ADGRL3: variants seen among roughly 807,000 people sequenced by gnomAD.
The protein encoded by ADGRL3 is adhesion G protein-coupled receptor L3, also known as calcium-independent alpha-latrotoxin receptor 3.
ADGRL3 carries 62 observed loss-of-function variants against 153.5 expected under a neutral mutation model. The ratio of observed to expected loss-of-function variants is 0.40; its 90% confidence interval spans 0.33 to 0.50. ADGRL3 has a LOEUF of 0.50. ADGRL3 is among the 20% of genes least tolerant of loss of function. The pLI is 0.47. For synonymous variants in ADGRL3, 710 were observed against 672.5 expected (o/e 1.06, Z -0.86); for missense variants, 1,641 against 1,859.4 (o/e 0.88, Z 2.16).
intron 5 of ADGRL3, among the ~76,000 whole-genome samples, chr4:61,629,520 C>T (rs1389229459): frequency 6.6e-6 from 1 of 151,298 alleles, no homozygotes; most frequent in Non-Finnish European, 1.5e-5. Flanking sequence ...AGTTTAAGAC[C>T]AGCCTGGCCA....
intron 8 of ADGRL3, among the ~76,000 whole-genome samples, chr4:61,747,886 G>A (rs562758308): frequency 1.1e-4 from 17 of 152,070 alleles, no homozygotes; most frequent in Non-Finnish European, 1.5e-4. Context: ...GGAAATAAAG[G>A]GTATTCAATT....
intron 9 of ADGRL3, among the ~76,000 whole-genome samples, chr4:61,830,193 A>T (rs778150371): frequency 9.9e-5 from 15 of 151,814 alleles, no homozygotes; most frequent in Non-Finnish European, 1.8e-4. Context: ...TTTTTTGTAG[A>T]GGCAGGGTTT....
At chr4:61,647,072 G>T (rs978637115) in intron 5 of ADGRL3, among the ~76,000 whole-genome samples, 11 of 152,078 alleles carry the variant, frequency 7.2e-5, no homozygotes, top group Admixed American at 4.6e-4. Context: ...TCTTTGACTA[G>T]GAAAGGGAAC....
chr4:61,240,707 G>A (rs1462238442), intron 1 of ADGRL3, among the ~76,000 whole-genome samples: 1 of 152,008 alleles, frequency 6.6e-6, no homozygotes, highest in Non-Finnish European at 1.5e-5. Flanking sequence ...ATACTCATGT[G>A]TTGCCAGCAG....
At chr4:61,364,261 A>G (rs1034620284) in intron 1 of ADGRL3, among the ~76,000 whole-genome samples, 1 of 151,554 alleles carries the variant, frequency 6.6e-6, no homozygotes, top group Admixed American at 6.6e-5. Flanking sequence ...TGAACCTGGC[A>G]GGCAGAGATT....
intron 3 of ADGRL3, among the ~76,000 whole-genome samples, chr4:61,512,067 A>G (rs1255928644): frequency 1.3e-5 from 2 of 152,162 alleles, no homozygotes; most frequent in Non-Finnish European, 2.9e-5. Context: ...TATTTACAGA[A>G]AAGGAAATGA....
intron 25 of ADGRL3, among the ~76,000 whole-genome samples, chr4:62,048,104 A>T (rs1483404716): frequency 6.6e-6 from 1 of 152,104 alleles, no homozygotes; most frequent in African/African-American, 2.4e-5. Context: ...GCTGTTGGAA[A>T]TCTAATTCAA....
intron 4 of ADGRL3, among the ~76,000 whole-genome samples, chr4:61,548,104 C>A (rs34482030): frequency 0.37 from 56,608 of 151,360 alleles, 11,079 homozygotes; most frequent in East Asian, 0.75. Flanking sequence ...CTGTTCATGT[C>A]CTTTGCCCAT....
At chr4:61,656,895 C>T (rs911503596) in intron 5 of ADGRL3, among the ~76,000 whole-genome samples, 1 of 152,140 alleles carries the variant, frequency 6.6e-6, no homozygotes, top group Admixed American at 6.6e-5. Context: ...GCTATTTTCT[C>T]TCTCTGTTAA....
chr4:61,813,935 T>G, intron 9 of ADGRL3, 46 bp downstream of exon 9: 1 of 1,604,234 alleles, frequency 6.2e-7, no homozygotes, highest in Non-Finnish European at 8.5e-7. Context: ...GCTCATTCTT[T>G]GATGAAAGCA....
In ADGRL3 at chr4:62,077,549, T is replaced by C. The variant is rs913901439; in HGVS notation, c.*6641T>C. 1 of 152,032 alleles carries C rather than the reference T, an allele frequency of 6.6e-6. No homozygotes were observed. Among genetic ancestry groups the C allele is most frequent in the Non-Finnish European group, 1.5e-5 (1 of 67,902 alleles). 9.4% of individuals were successfully genotyped at this position (152,032 alleles called of 1,614,324 possible). ...GATGTTTGACAAAGTTAAGTCAGTA[T>C]CTTCAATGCTTTAACAGTAGGTAGA... On this transcript the variant is annotated 3_prime_UTR_variant, in exon 27 of 27. Coordinates refer to ENST00000683033, the MANE Select transcript of ADGRL3 (RefSeq NM_001387552.1).
At chr4:61,240,512 G>A (rs993670671) in intron 1 of ADGRL3, among the ~76,000 whole-genome samples, 1 of 152,104 alleles carries the variant, frequency 6.6e-6, no homozygotes, top group African/African-American at 2.4e-5. Context: ...TTCAAATAAA[G>A]TAGAGCCTAA....
At chr4:61,926,326 A>G (rs2098794245) in intron 13 of ADGRL3, among the ~76,000 whole-genome samples, 1 of 152,192 alleles carries the variant, frequency 6.6e-6, no homozygotes, top group Admixed American at 6.5e-5. Flanking sequence ...ACCCACACAT[A>G]TACTTTTATA....
intron 8 of ADGRL3, among the ~76,000 whole-genome samples, chr4:61,801,015 C>A (rs2097489297): frequency 6.6e-6 from 1 of 152,104 alleles, no homozygotes; most frequent in Admixed American, 6.6e-5. Flanking sequence ...TTGAAAAGAT[C>A]ATTAATAAGG....
intron 9 of ADGRL3, among the ~76,000 whole-genome samples, chr4:61,865,410 C>A (rs1011375807): frequency 3.9e-5 from 6 of 152,064 alleles, no homozygotes; most frequent in African/African-American, 1.4e-4. Flanking sequence ...TTTGACATTT[C>A]AGTATACTAA....
chr4:61,554,001 G>A (rs2098752733), intron 4 of ADGRL3, among the ~76,000 whole-genome samples: 2 of 151,854 alleles, frequency 1.3e-5, no homozygotes, highest in South Asian at 4.1e-4. Context: ...GAGAACAGAG[G>A]AGAAAGCTTT....
At chr4:62,041,652 T>C (rs1465767981) in intron 24 of ADGRL3, among the ~76,000 whole-genome samples, 5 of 152,052 alleles carry the variant, frequency 3.3e-5, no homozygotes, top group African/African-American at 1.2e-4. Context: ...TAATCATTTC[T>C]CTCCTTCCAA....
chr4:61,438,901 GTTTCACCATT>G (rs1279220807), intron 2 of ADGRL3, among the ~76,000 whole-genome samples: 1 of 151,720 alleles, frequency 6.6e-6, no homozygotes, highest in Non-Finnish European at 1.5e-5. Context: ...TAGAGACGGG[GTTTCACCATT>G]TTAGCCAGGA....
At chr4:61,284,089 G>A (rs1381771492) in intron 1 of ADGRL3, among the ~76,000 whole-genome samples, 3 of 151,884 alleles carry the variant, frequency 2.0e-5, no homozygotes, top group African/African-American at 4.8e-5. Flanking sequence ...AACCTGCCCA[G>A]TCCAATTTTC....
Sources: gnomAD v4.1 joint callset for allele counts (sites outside exome capture counted in the v4.1 genomes callset) on GRCh38, gnomAD v4.1.1 for gene constraint, MANE v1.5 for transcripts, NCBI Gene and HGNC (gene_info 2026-07-23, HGNC 2026-07-21) for gene names.